The following ZFHX3 variants were observed in gnomAD, a reference collection of about 807,000 sequenced individuals.
The protein encoded by ZFHX3 is zinc finger homeobox 3, also known as zinc finger homeobox protein 3.
In ZFHX3, 42 loss-of-function variants were observed where a neutral mutation model predicts 279.1. That is an observed-to-expected ratio of 0.15 (90% CI 0.12 to 0.19). The LOEUF (loss-of-function observed/expected upper bound fraction) is 0.19, where lower values mean the gene tolerates loss of function less well. Among genes scored for constraint, ZFHX3 ranks in the 10% least tolerant of loss-of-function variants. The pLI is 1.00. For missense variants in ZFHX3, 4,981 were observed against 4,754.0 expected (o/e 1.05, Z -1.40); for synonymous variants, 2,293 against 1,957.8 (o/e 1.17, Z -4.52).
chr16:73,033,515 G>T (rs926730877), intron 1 of ZFHX3, among the ~76,000 whole-genome samples: 4 of 151,664 alleles, frequency 2.6e-5, no homozygotes, highest in Admixed American at 6.6e-5. Flanking sequence ...TGACTGGGGG[G>T]AAAGGGGGCA....
intron 3 of ZFHX3, among the ~76,000 whole-genome samples, chr16:72,939,779 T>C (rs538281755): frequency 2.0e-5 from 3 of 152,120 alleles, no homozygotes; most frequent in Non-Finnish European, 4.4e-5. Flanking sequence ...TCCCAGCTAC[T>C]TGGGAGGCTG....
At chr16:73,507,889 T>A (rs527671520) in intron 2 of ZFHX3, among the ~76,000 whole-genome samples, 1 of 152,294 alleles carries the variant, frequency 6.6e-6, no homozygotes, top group Non-Finnish European at 1.5e-5. Context: ...ATCATTATAA[T>A]GAGTTTGCAC....
chr16:73,764,431 G>A (rs960982528), intron 1 of ZFHX3, among the ~76,000 whole-genome samples: 1 of 152,140 alleles, frequency 6.6e-6, no homozygotes, highest in African/African-American at 2.4e-5. Context: ...CCATCACAAA[G>A]AAAGACTGCA....
chr16:73,168,194 CA>C (rs1208069459), intron 5 of ZFHX3, among the ~76,000 whole-genome samples: 1 of 142,100 alleles, frequency 7.0e-6, no homozygotes, highest in African/African-American at 2.6e-5. Context: ...AGCCTTTTAA[CA>C]CTATAGTTTC....
chr16:73,064,847 C>T (rs1723634852), intron 8 of ZFHX3, among the ~76,000 whole-genome samples: 1 of 152,224 alleles, frequency 6.6e-6, no homozygotes, highest in South Asian at 2.1e-4. Flanking sequence ...GAGCCGGTGG[C>T]TCTCCCGGGT....
intron 2 of ZFHX3, among the ~76,000 whole-genome samples, chr16:73,618,280 C>G (rs1474702867): frequency 6.6e-6 from 1 of 152,198 alleles, no homozygotes; most frequent in African/African-American, 2.4e-5. Flanking sequence ...TGATTCTCCA[C>G]CAACTTAAAC....
intron 1 of ZFHX3, among the ~76,000 whole-genome samples, chr16:73,840,275 C>A (rs1460101702): frequency 1.3e-5 from 2 of 152,150 alleles, no homozygotes; most frequent in Non-Finnish European, 2.9e-5. Context: ...GGAATCCACC[C>A]ATGTCCTTTT....
chr16:73,134,976 T>G (rs1014889693), intron 6 of ZFHX3, among the ~76,000 whole-genome samples: 1 of 152,174 alleles, frequency 6.6e-6, no homozygotes, highest in African/African-American at 2.4e-5. Flanking sequence ...TCAACCTGTG[T>G]TGATTGAACA....
At chr16:72,880,511 C>T (rs190873916) in intron 4 of ZFHX3, among the ~76,000 whole-genome samples, 30 of 152,182 alleles carry the variant, frequency 2.0e-4, no homozygotes, top group African/African-American at 5.8e-4. Context: ...CCAAAACTGC[C>T]GGCACCTGGA....
At chr16:73,779,687 C>T (rs545732143) in intron 1 of ZFHX3, among the ~76,000 whole-genome samples, 92 of 152,286 alleles carry the variant, frequency 6.0e-4, no homozygotes, top group Middle Eastern at 3.4e-3. Context: ...CGTTGTACAA[C>T]AACAAAGATA....
intron 2 of ZFHX3, among the ~76,000 whole-genome samples, chr16:73,481,315 T>A (rs1343815217): frequency 6.8e-6 from 1 of 146,794 alleles, no homozygotes; most frequent in Non-Finnish European, 1.5e-5. Flanking sequence ...GGCAACAGAG[T>A]GAGACTCCAT....
intron 5 of ZFHX3, among the ~76,000 whole-genome samples, chr16:73,235,615 C>T (rs2012919973): frequency 6.6e-6 from 1 of 152,020 alleles, no homozygotes; most frequent in Admixed American, 6.5e-5. Flanking sequence ...CCATGTGTTG[C>T]CTGATCTTCC....
At chr16:73,576,106 C>A (rs1276814619) in intron 2 of ZFHX3, among the ~76,000 whole-genome samples, 1 of 152,108 alleles carries the variant, frequency 6.6e-6, no homozygotes, top group Non-Finnish European at 1.5e-5. Flanking sequence ...CTAAAATGAG[C>A]ATGGCACCCA....
chr16:73,379,460 T>C (rs2016783150), intron 3 of ZFHX3, among the ~76,000 whole-genome samples: 1 of 152,200 alleles, frequency 6.6e-6, no homozygotes, highest in Non-Finnish European at 1.5e-5. Context: ...CCACCTCTGC[T>C]ACTTACAGGC....
intron 5 of ZFHX3, among the ~76,000 whole-genome samples, chr16:73,246,270 C>T (rs958791620): frequency 1.3e-5 from 2 of 152,100 alleles, no homozygotes; most frequent in African/African-American, 4.8e-5. Context: ...CTGGCAGCAT[C>T]AGGTGAGTGC....
chr16:73,173,383 G>A (rs1449285505), intron 5 of ZFHX3, among the ~76,000 whole-genome samples: 1 of 55,832 alleles, frequency 1.8e-5, no homozygotes. Flanking sequence ...CTCCCGCCCC[G>A]GCATATTTGT....
At chr16:73,402,205 A>AG (rs2017270484) in intron 3 of ZFHX3, 1 of 152,172 alleles carries the variant, frequency 6.6e-6, no homozygotes, top group Non-Finnish European at 1.5e-5. Context: ...CCTTTTCTTG[A>AG]TCACACCATC....
At chr16:73,605,060 C>A (rs114182304) in intron 2 of ZFHX3, among the ~76,000 whole-genome samples, 2 of 152,282 alleles carry the variant, frequency 1.3e-5, no homozygotes, top group African/African-American at 4.8e-5. Context: ...AACAAGACCA[C>A]ATTCTGCTTT....
chr16:73,216,935 C>T (rs1000124091), intron 5 of ZFHX3, among the ~76,000 whole-genome samples: 5 of 152,124 alleles, frequency 3.3e-5, no homozygotes, highest in South Asian at 4.1e-4. Flanking sequence ...CCCTGAAGGT[C>T]GTAAAGACAT....
Sources: gnomAD v4.1 joint callset for allele counts (sites outside exome capture counted in the v4.1 genomes callset) on GRCh38, gnomAD v4.1.1 for gene constraint, MANE v1.5 for transcripts, NCBI Gene and HGNC (gene_info 2026-07-23, HGNC 2026-07-21) for gene names.